Variants in BNIP3L observed in about 807,000 individuals in gnomAD.
BNIP3L encodes BCL2 interacting protein 3 like, also known as BCL2/adenovirus E1B 19 kDa protein-interacting protein 3-like.
A neutral mutation model predicts 25.5 loss-of-function variants in BNIP3L; 10 were observed. The observed-to-expected ratio is 0.39, with a 90% CI of 0.24 to 0.67. BNIP3L has a LOEUF of 0.67. Ranked by LOEUF, BNIP3L falls within the 30% of genes least tolerant of loss-of-function variation. The pLI, the probability that BNIP3L is intolerant of heterozygous loss-of-function variation, is 0.45. For missense variants in BNIP3L, 215 were observed against 270.9 expected (o/e 0.79, Z 1.45); for synonymous variants, 113 against 101.2 (o/e 1.12, Z -0.70).
Position 26,395,398 on chromosome 8 carries a change from A to G in BNIP3L, c.357+96A>G. 4 of 1,299,996 alleles carry G rather than the reference A, an allele frequency of 3.1e-6. No individual in the cohort carries two copies. In the South Asian group the frequency reaches 3.9e-5, roughly 13 times the overall value. The allele number at this position is 1,299,996 out of a possible 1,614,324, so 80.5% of individuals were successfully genotyped here. On this transcript the variant is annotated intron_variant, in intron 3 of 5. Coordinates refer to ENST00000380629, the MANE Select transcript of BNIP3L (RefSeq NM_004331.3). ...AAAATAAATGTGAAGACTTTTAGGA[A>G]TAGTTTGAAGCTATTATTGAGTTTC...
chr8:26,405,007 CTCTTAT>C lies in BNIP3L; in HGVS notation c.358-2987_358-2982del, dbSNP rs541539721. The stretch of plus-strand genomic sequence containing the variant: ...GGTAGTGAATGAGGAAAGCTTACCA[CTCTTAT>C]TCTTAAAGTATTGTAAGTTGGGAAA... On this transcript the variant is annotated intron_variant, in intron 3 of 5. Coordinates refer to ENST00000380629, the MANE Select transcript of BNIP3L (RefSeq NM_004331.3). Among the ~76,000 whole-genome samples the C allele has an allele frequency of 4.0e-3, 609 of 152,246 alleles. 5 individuals carry two copies. The highest frequency in any genetic ancestry group is 0.014 in the African/African-American group (590 of 41,532).
chr8:26,398,782 C>T (rs1156863254), intron 3 of BNIP3L, among the ~76,000 whole-genome samples: 1 of 151,938 alleles, frequency 6.6e-6, no homozygotes, highest in Non-Finnish European at 1.5e-5. Flanking sequence ...AATGATACTA[C>T]AAACACCTCT....
At chr8:26,391,983 G>A (rs1806122585) in intron 2 of BNIP3L, among the ~76,000 whole-genome samples, 1 of 152,194 alleles carries the variant, frequency 6.6e-6, no homozygotes, top group Non-Finnish European at 1.5e-5. Context: ...ACCAAGGTCT[G>A]TAAAGATAGT....
intron 3 of BNIP3L, among the ~76,000 whole-genome samples, chr8:26,398,569 A>G (rs1443498824): frequency 1.6e-4 from 22 of 135,766 alleles, no homozygotes; most frequent in African/African-American, 5.3e-4. Flanking sequence ...AAGAACTAGA[A>G]AAGCAAGAGC....
At chr8:26,401,135 T>C (rs1477113147) in intron 3 of BNIP3L, among the ~76,000 whole-genome samples, 1 of 140,448 alleles carries the variant, frequency 7.1e-6, no homozygotes, top group African/African-American at 2.6e-5. Context: ...ATTGCGGCAT[T>C]ATTCACGATA....
intron 2 of BNIP3L, among the ~76,000 whole-genome samples, chr8:26,394,867 T>A (rs1806198333): frequency 6.6e-6 from 1 of 152,214 alleles, no homozygotes; most frequent in Non-Finnish European, 1.5e-5. Flanking sequence ...TGAGGGAACT[T>A]TGAGAAAAAG....
intron 2 of BNIP3L, among the ~76,000 whole-genome samples, chr8:26,393,066 A>G (rs1024754777): frequency 6.6e-6 from 1 of 151,876 alleles, no homozygotes; most frequent in Non-Finnish European, 1.5e-5. Flanking sequence ...CAGGCCCTAG[A>G]TTAGTGGTCA....
intron 3 of BNIP3L, among the ~76,000 whole-genome samples, chr8:26,405,404 T>C (rs1052035864): frequency 2.6e-5 from 4 of 152,210 alleles, no homozygotes; most frequent in African/African-American, 4.8e-5. Flanking sequence ...GTAATCTCAA[T>C]AGCCAATGGA....
chr8:26,394,497 A>G (rs1322296596), intron 2 of BNIP3L, among the ~76,000 whole-genome samples: 1 of 152,186 alleles, frequency 6.6e-6, no homozygotes, highest in African/African-American at 2.4e-5. Context: ...GAGAAAATAT[A>G]TATTCATTCA....
At chr8:26,402,268 C>T (rs1310317498) in intron 3 of BNIP3L, among the ~76,000 whole-genome samples, 2 of 152,218 alleles carry the variant, frequency 1.3e-5, no homozygotes, top group African/African-American at 2.4e-5. Context: ...AGCAGGCTGT[C>T]GTATATAAGA....
intron 3 of BNIP3L, among the ~76,000 whole-genome samples, chr8:26,402,111 G>A (rs896636924): frequency 6.6e-6 from 1 of 152,150 alleles, no homozygotes; most frequent in Admixed American, 6.5e-5. Flanking sequence ...GATCCACCCA[G>A]TATTCTTTCT....
intron 3 of BNIP3L, among the ~76,000 whole-genome samples, chr8:26,404,733 C>A (rs1223881664): frequency 6.6e-6 from 1 of 152,186 alleles, no homozygotes; most frequent in Non-Finnish European, 1.5e-5. Flanking sequence ...GTCTCAAACT[C>A]CTAACCTCAA....
chr8:26,410,574 C>T lies in BNIP3L; in HGVS notation c.*162C>T, dbSNP rs2117500643. On this transcript the variant is annotated 3_prime_UTR_variant, in exon 6 of 6. Coordinates refer to ENST00000380629, the MANE Select transcript of BNIP3L (RefSeq NM_004331.3). ...TCAAATTCAATATTTTATTCAAACT[C>T]TGTTGAGGCATTTTACTAACCTTAT... 1.2e-6 allele frequency: 1 copy of T among 823,216 alleles called. No individual in the cohort carries two copies. Among genetic ancestry groups the T allele is most frequent in the Non-Finnish European group, 2.0e-6 (1 of 507,298 alleles). 51.0% of individuals were successfully genotyped at this position (823,216 alleles called of 1,614,324 possible). A position where few individuals can be genotyped will look rare whatever the true frequency, so the allele number is the denominator to read the frequency against.
chr8:26,395,389 CT>C (rs1806210880), intron 3 of BNIP3L, 87 bp downstream of exon 3: 1 of 1,364,576 alleles, frequency 7.3e-7, no homozygotes, highest in Non-Finnish European at 1.0e-6. Context: ...AATGTGAAGA[CT>C]TTTAGGAATA....
At chr8:26,389,524 C>T (rs973774120) in intron 1 of BNIP3L, among the ~76,000 whole-genome samples, 2 of 152,116 alleles carry the variant, frequency 1.3e-5, no homozygotes, top group East Asian at 1.9e-4. Flanking sequence ...ACAACTGTGT[C>T]GTTTGGCAGC....
chr8:26,401,406 G>C (rs1034439790), intron 3 of BNIP3L, among the ~76,000 whole-genome samples: 2 of 151,182 alleles, frequency 1.3e-5, no homozygotes, highest in East Asian at 1.9e-4. Context: ...TCACACTCTG[G>C]GGACTGTGGT....
intron 1 of BNIP3L, among the ~76,000 whole-genome samples, chr8:26,387,097 C>T (rs1806008566): frequency 6.6e-6 from 1 of 152,146 alleles, no homozygotes; most frequent in African/African-American, 2.4e-5. Context: ...TCATTCTCTC[C>T]TCCCCTTGTC....
At chr8:26,385,976 C>G (rs553053827) in intron 1 of BNIP3L, among the ~76,000 whole-genome samples, 1 of 152,278 alleles carries the variant, frequency 6.6e-6, no homozygotes, top group African/African-American at 2.4e-5. Context: ...ATGGGCAAAA[C>G]AACTTATTCA....
chr8:26,407,758 A>T (rs1806532804), intron 3 of BNIP3L, among the ~76,000 whole-genome samples: 1 of 152,256 alleles, frequency 6.6e-6, no homozygotes, highest in Non-Finnish European at 1.5e-5. Flanking sequence ...GTACAGTCTT[A>T]TGCAGTTCCT....
Sources: gnomAD v4.1 joint callset for allele counts (sites outside exome capture counted in the v4.1 genomes callset) on GRCh38, gnomAD v4.1.1 for gene constraint, MANE v1.5 for transcripts, NCBI Gene and HGNC (gene_info 2026-07-23, HGNC 2026-07-21) for gene names.